Variants in DPP10 observed in about 807,000 individuals in gnomAD.
The protein encoded by DPP10 is inactive dipeptidyl peptidase 10.
A neutral mutation model predicts 120.9 loss-of-function variants in DPP10; 33 were observed. The observed-to-expected ratio is 0.27, with a 90% confidence interval of 0.21 to 0.37. The LOEUF is 0.37. Ranked by LOEUF, DPP10 falls within the 10% of genes least tolerant of loss-of-function variation. The pLI, the probability that DPP10 is intolerant of heterozygous loss-of-function variation, is 1.00. For synonymous variants in DPP10, 337 were observed against 326.1 expected, an observed-to-expected ratio of 1.03 and a Z score of -0.36; for missense variants, 816 against 942.8, an observed-to-expected ratio of 0.87 and a Z score of 1.76.
chr2:115,317,966 C>T (rs1358374439), intron 2 of DPP10, among the ~76,000 whole-genome samples: 1 of 152,184 alleles, frequency 6.6e-6, no homozygotes, highest in Middle Eastern at 3.4e-3. Flanking sequence ...TCTTCATTCA[C>T]CTGTTCTTTC....
chr2:115,336,348 T>A (rs1380886785), intron 2 of DPP10, among the ~76,000 whole-genome samples: 1 of 152,064 alleles, frequency 6.6e-6, no homozygotes. Flanking sequence ...CTGAACTTTT[T>A]ACTTAAGATT....
intron 1 of DPP10, among the ~76,000 whole-genome samples, chr2:115,254,963 C>G (rs989029788): frequency 6.6e-6 from 1 of 152,146 alleles, no homozygotes; most frequent in Non-Finnish European, 1.5e-5. Flanking sequence ...GTCAGTGGAT[C>G]TGCCATTCTG....
intron 1 of DPP10, among the ~76,000 whole-genome samples, chr2:115,277,884 T>A (rs1391990208): frequency 6.6e-6 from 1 of 152,222 alleles, no homozygotes; most frequent in East Asian, 1.9e-4. Context: ...ATCTAACTTC[T>A]ACTGTTAACA....
chr2:114,560,072 C>G (rs1021019820), intron 1 of DPP10, among the ~76,000 whole-genome samples: 1 of 152,054 alleles, frequency 6.6e-6, no homozygotes, highest in East Asian at 1.9e-4. Context: ...TTATTTAATT[C>G]TATCATCATG....
Position 114,884,852 on chromosome 2 carries a change from C to T in DPP10, c.61-424387C>T, listed in dbSNP as rs151239639. 6.6e-5 allele frequency among the ~76,000 whole-genome samples: 10 copies of T among 152,258 alleles called. No individual in the cohort carries two copies. The East Asian group carries it at 1.7e-3, about 27-fold the overall frequency. The stretch of plus-strand genomic sequence containing the variant: ...TCCTGAGTTACTTCACTTCAAATAA[C>T]GGTCTCCAATACAAGTTGGAGAGAT... On this transcript the variant is annotated intron_variant, in intron 1 of 25. Coordinates refer to ENST00000410059, the MANE Select transcript of DPP10 (RefSeq NM_020868.6).
At chr2:115,076,668 T>C (rs1283726217) in intron 1 of DPP10, among the ~76,000 whole-genome samples, 1 of 152,222 alleles carries the variant, frequency 6.6e-6, no homozygotes, top group Non-Finnish European at 1.5e-5. Flanking sequence ...TCTATGTTGG[T>C]AAAGGTTACT....
chr2:115,110,204 T>C (rs200356153), intron 1 of DPP10, among the ~76,000 whole-genome samples: 1 of 152,198 alleles, frequency 6.6e-6, no homozygotes, highest in African/African-American at 2.4e-5. Flanking sequence ...TGATCAACCA[T>C]TTCATAGTGA....
chr2:115,203,637 A>AC (rs1376905205), intron 1 of DPP10, among the ~76,000 whole-genome samples: 1 of 151,764 alleles, frequency 6.6e-6, no homozygotes, highest in African/African-American at 2.4e-5. Context: ...CCACACATAC[A>AC]CCCCCACACC....
chr2:115,445,227 G>A (rs549428150), intron 3 of DPP10, among the ~76,000 whole-genome samples: 2 of 152,058 alleles, frequency 1.3e-5, no homozygotes, highest in East Asian at 3.9e-4. Flanking sequence ...CACAGTCTTG[G>A]GTATGTCTTT....
chr2:114,602,816 G>A (rs1692478546), intron 1 of DPP10, among the ~76,000 whole-genome samples: 1 of 152,004 alleles, frequency 6.6e-6, no homozygotes, highest in South Asian at 2.1e-4. Flanking sequence ...GACAACAACT[G>A]GGTGGTTTTT....
intron 1 of DPP10, among the ~76,000 whole-genome samples, chr2:115,165,522 TTTAG>T (rs2052766928): frequency 6.6e-6 from 1 of 152,222 alleles, no homozygotes; most frequent in African/African-American, 2.4e-5. Context: ...CTCTGCTAAT[TTTAG>T]TTAATATCAC....
intron 1 of DPP10, among the ~76,000 whole-genome samples, chr2:114,493,770 T>C (rs1336182945): frequency 6.6e-6 from 1 of 152,094 alleles, no homozygotes; most frequent in Non-Finnish European, 1.5e-5. Flanking sequence ...ACAGGTCAAA[T>C]GGAAGATTGT....
At chr2:114,879,822 G>A (rs1425274813) in intron 1 of DPP10, among the ~76,000 whole-genome samples, 7 of 152,032 alleles carry the variant, frequency 4.6e-5, no homozygotes, top group Admixed American at 2.0e-4. Context: ...ACTGACAGGC[G>A]GTTCCCTGTG....
At chr2:115,061,868 T>G (rs1429700371) in intron 1 of DPP10, among the ~76,000 whole-genome samples, 1 of 152,158 alleles carries the variant, frequency 6.6e-6, no homozygotes, top group East Asian at 1.9e-4. Context: ...GTCTTTTACA[T>G]AACAATATTT....
chr2:115,553,702 G>A (rs1371936842), intron 5 of DPP10, among the ~76,000 whole-genome samples: 1 of 151,900 alleles, frequency 6.6e-6, no homozygotes, highest in Non-Finnish European at 1.5e-5. Flanking sequence ...GATCTTTGTA[G>A]CAAAATAATC....
intron 5 of DPP10, among the ~76,000 whole-genome samples, chr2:115,538,678 G>A (rs1444458803): frequency 6.6e-6 from 1 of 151,852 alleles, no homozygotes; most frequent in South Asian, 2.1e-4. Flanking sequence ...AACGTTATTG[G>A]CCACAGCTCA....
At chr2:115,564,937 G>A (rs550360115) in intron 5 of DPP10, among the ~76,000 whole-genome samples, 1 of 152,146 alleles carries the variant, frequency 6.6e-6, no homozygotes, top group Admixed American at 6.5e-5. Context: ...GATGCTTGAT[G>A]TTCAAATGCT....
intron 1 of DPP10, among the ~76,000 whole-genome samples, chr2:115,182,921 C>T (rs984919219): frequency 2.0e-5 from 3 of 152,046 alleles, no homozygotes; most frequent in African/African-American, 7.2e-5. Flanking sequence ...AAACTTAGCT[C>T]CACTACCTGA....
intron 5 of DPP10, among the ~76,000 whole-genome samples, chr2:115,674,088 G>C (rs1437102830): frequency 6.6e-6 from 1 of 152,074 alleles, no homozygotes; most frequent in South Asian, 2.1e-4. Context: ...AGCTGGGCAT[G>C]GTGACGCTTG....
Sources: allele counts gnomAD v4.1 joint callset (sites outside exome capture counted in the v4.1 genomes callset), GRCh38; gene constraint gnomAD v4.1.1; transcripts MANE v1.5; gene names NCBI Gene and HGNC (gene_info 2026-07-23, HGNC 2026-07-21).